PPARG: variants seen among roughly 807,000 people sequenced by gnomAD.
PPARG encodes peroxisome proliferator activated receptor gamma.
In PPARG, 17 loss-of-function variants were observed where a neutral mutation model predicts 39.2. That is an observed-to-expected ratio of 0.43 (90% CI 0.30 to 0.65). PPARG has a LOEUF of 0.65. Among genes scored for constraint, PPARG ranks in the 30% least tolerant of loss-of-function variants. PPARG has a pLI of 0.13. For missense variants in PPARG, 406 were observed against 585.9 expected (o/e 0.69, Z 3.17); for synonymous variants, 223 against 215.7 (o/e 1.03, Z -0.30).
intron 5 of PPARG, among the ~76,000 whole-genome samples, chr3:12,397,260 C>T (rs2050296747): frequency 6.6e-6 from 1 of 151,590 alleles, no homozygotes; most frequent in Non-Finnish European, 1.5e-5. Flanking sequence ...ATTTTTGTGA[C>T]ACTCAACATT....
rs113096471 is a variant in PPARG at position 12,329,252 on chromosome 3, C to T, written c.-9+16799C>T. The stretch of plus-strand genomic sequence containing the variant: ...TTCTGATGTCAATCACTCATTGTCA[C>T]CTCCACTAGAGGGGGATAAAAAGGA... On this transcript the variant is annotated intron_variant, in intron 2 of 7. Coordinates refer to ENST00000651735, the MANE Select transcript of PPARG (RefSeq NM_138711.6). 5.3e-5 allele frequency among the ~76,000 whole-genome samples: 8 copies of T among 151,180 alleles called. 1 individual carries two copies. Among genetic ancestry groups the T allele is most frequent in the African/African-American group, 1.5e-4 (6 of 41,202 alleles).
intron 2 of PPARG, among the ~76,000 whole-genome samples, chr3:12,326,622 T>C (rs1222713578): frequency 6.6e-6 from 1 of 152,236 alleles, no homozygotes; most frequent in Non-Finnish European, 1.5e-5. Flanking sequence ...TAGTAGACTT[T>C]TAAAGATGTC....
rs188457047 is a variant in PPARG, at chr3:12,331,668, G to T, written c.-9+19215G>T. On this transcript the variant is annotated intron_variant, in intron 2 of 7. Coordinates refer to ENST00000651735, the MANE Select transcript of PPARG (RefSeq NM_138711.6). ...AAGAAGAGAGTGTCTTTGGATTCCA[G>T]TTGGTAAGTGGAAGAGACTGAAGCA... 2.3e-3 allele frequency among the ~76,000 whole-genome samples: 350 copies of T among 152,326 alleles called. 1 individual carries two copies. The highest frequency in any genetic ancestry group is 0.014 in the Middle Eastern group (4 of 294).
chr3:12,310,814 A>AC (rs1260879539), intron 1 of PPARG, among the ~76,000 whole-genome samples: 8 of 149,952 alleles, frequency 5.3e-5, no homozygotes, highest in East Asian at 3.9e-4. Flanking sequence ...AAAAAAAAAA[A>AC]AAAAAAAAAA....
In PPARG at chr3:12,355,839, A is replaced by G. The variant is rs1160322398; in HGVS notation, c.-8-23865A>G. 2.6e-5 allele frequency among the ~76,000 whole-genome samples: 4 copies of G among 152,236 alleles called. No homozygotes were observed. In the East Asian group the frequency reaches 5.8e-4, roughly 22 times the overall value. Reference sequence around the variant, plus strand: ...CCATTTAATCTGCCAATTGCAGTATAAAAATTGGTTATTAAATGAAAAACA... The same window carrying G: ...CCATTTAATCTGCCAATTGCAGTATGAAAATTGGTTATTAAATGAAAAACA... On this transcript the variant is annotated intron_variant, in intron 2 of 7. Transcript: ENST00000651735.
At chr3:12,370,950 C>T (rs1205836467) in intron 2 of PPARG, among the ~76,000 whole-genome samples, 1 of 152,128 alleles carries the variant, frequency 6.6e-6, no homozygotes, top group East Asian at 1.9e-4. Context: ...CTGTTTTAGG[C>T]GTAGTCCTGT....
rs1005135853 is a variant in PPARG, at chr3:12,420,174, A to G, written c.1180+3020A>G. On this transcript the variant is annotated intron_variant, in intron 7 of 7. Coordinates refer to ENST00000651735, the MANE Select transcript of PPARG (RefSeq NM_138711.6). ...CGAAGGGAAGCATTTGAAATGAGCC[A>G]TTCAAAGGTACTTAGTTTCTACTAG... 3.3e-5 allele frequency among the ~76,000 whole-genome samples: 5 copies of G among 152,260 alleles called. No individual in the cohort carries two copies. In the East Asian group the frequency reaches 5.8e-4, roughly 18 times the overall value.
intron 6 of PPARG, 105 bp downstream of exon 6, chr3:12,406,186 A>G (rs1157980348): frequency 2.6e-6 from 3 of 1,148,772 alleles, no homozygotes; most frequent in Non-Finnish European, 3.9e-6. Context: ...CACACAGAAT[A>G]TTGTTCAACT....
chr3:12,428,758 G>A (rs2051548037), intron 7 of PPARG, among the ~76,000 whole-genome samples: 1 of 152,334 alleles, frequency 6.6e-6, no homozygotes, highest in Admixed American at 6.5e-5. Context: ...CTTGACTAGA[G>A]CTTAAAGACC....
At chr3:12,361,069 G>A (rs2048832123) in intron 2 of PPARG, among the ~76,000 whole-genome samples, 2 of 152,116 alleles carry the variant, frequency 1.3e-5, no homozygotes, top group South Asian at 4.1e-4. Context: ...CTGGTACTTG[G>A]CATTCTCTGT....
Position 12,417,888 on chromosome 3 carries a change from C to CT in PPARG, c.1180+746dup, listed in dbSNP as rs1240237792. ...AGTGTGACTTTTTTCTTTTTTTTTT[C>CT]TTTTTTTTTTTTCCTTTTTTTTTTT... On this transcript the variant is annotated intron_variant, in intron 7 of 7. Coordinates refer to ENST00000651735, the MANE Select transcript of PPARG (RefSeq NM_138711.6). Among the ~76,000 whole-genome samples, 297 of 63,894 alleles carry CT rather than the reference C, an allele frequency of 4.6e-3. 1 individual carries two copies. The highest frequency in any genetic ancestry group is 5.8e-3 in the East Asian group (10 of 1,720). The allele number at this position is 63,894 out of a possible 152,430, so 41.9% of individuals were successfully genotyped here. A position where few individuals can be genotyped will look rare whatever the true frequency, so the allele number is the denominator to read the frequency against.
intron 1 of PPARG, among the ~76,000 whole-genome samples, chr3:12,309,901 C>T (rs947728493): frequency 6.6e-5 from 10 of 152,200 alleles, no homozygotes; most frequent in African/African-American, 1.9e-4. Context: ...CAATTGTCTG[C>T]TGTCTTCACA....
chr3:12,351,614 T>G, intron 2 of PPARG: 1 of 1,609,916 alleles, frequency 6.2e-7, no homozygotes, highest in Non-Finnish European at 8.5e-7. Context: ...TCTGGGAGAT[T>G]CTCCTATTGA....
chr3:12,314,673 T>A (rs1271463352), intron 2 of PPARG, among the ~76,000 whole-genome samples: 1 of 152,052 alleles, frequency 6.6e-6, no homozygotes, highest in African/African-American at 2.4e-5. Flanking sequence ...CACTACAGAT[T>A]AGGAGGAGAA....
intron 2 of PPARG, chr3:12,328,372 G>T: frequency 1.5e-6 from 1 of 666,046 alleles, no homozygotes. Context: ...CTGCCCTGAT[G>T]GATGCTTTAT....
At chr3:12,311,760 C>T (rs978490043) in intron 1 of PPARG, among the ~76,000 whole-genome samples, 3 of 152,076 alleles carry the variant, frequency 2.0e-5, no homozygotes, top group African/African-American at 7.2e-5. Context: ...GTTGTGAATC[C>T]TAAGACCCTA....
intron 2 of PPARG, chr3:12,351,809 A>G (rs1444112223): frequency 6.8e-6 from 5 of 738,276 alleles, no homozygotes; most frequent in African/African-American, 1.7e-5. Flanking sequence ...TTTAATGCTT[A>G]GCTCGTTGCT....
chr3:12,367,423 A>C (rs1179467261), intron 2 of PPARG, among the ~76,000 whole-genome samples: 1 of 152,204 alleles, frequency 6.6e-6, no homozygotes, highest in Non-Finnish European at 1.5e-5. Context: ...ATTTTTGCTG[A>C]GGAAGCAGAA....
At chr3:12,433,834 A>G in intron 7 of PPARG, 64 bp from the exon 8 acceptor site, 5 of 1,611,358 alleles carry the variant, frequency 3.1e-6, no homozygotes, top group Non-Finnish European at 4.2e-6. Flanking sequence ...TAGGCCTCCA[A>G]GGCGGGGCCC....
Sources: gnomAD v4.1 joint callset for allele counts (sites outside exome capture counted in the v4.1 genomes callset) on GRCh38, gnomAD v4.1.1 for gene constraint, MANE v1.5 for transcripts, NCBI Gene and HGNC (gene_info 2026-07-23, HGNC 2026-07-21) for gene names.